MXI1: variants seen among roughly 807,000 people sequenced by gnomAD.
MXI1 encodes the protein MAX interactor 1, dimerization protein.
A neutral mutation model predicts 36.9 loss-of-function variants in MXI1; 18 were observed. That is an observed-to-expected ratio of 0.49 (90% CI 0.34 to 0.72). The LOEUF (loss-of-function observed/expected upper bound fraction) is 0.72, where lower values mean the gene tolerates loss of function less well. Ranked by LOEUF, MXI1 falls within the 30% of genes least tolerant of loss-of-function variation. The probability of loss-of-function intolerance (pLI) is 0.01; values close to 1 mark genes in which losing one functional copy is unlikely to be tolerated. For missense variants in MXI1, 304 were observed against 379.1 expected, an observed-to-expected ratio of 0.80 and a Z score of 1.64; for synonymous variants, 160 against 146.7, an observed-to-expected ratio of 1.09 and a Z score of -0.65.
intron 2 of MXI1, among the ~76,000 whole-genome samples, chr10:110,232,556 C>G (rs1022782173): frequency 5.3e-5 from 8 of 152,110 alleles, no homozygotes; most frequent in Non-Finnish European, 1.2e-4. Flanking sequence ...AATTCGTGTC[C>G]TATTCACTGG....
intron 2 of MXI1, among the ~76,000 whole-genome samples, chr10:110,232,986 T>G (rs1855329268): frequency 6.6e-6 from 1 of 152,158 alleles, no homozygotes; most frequent in Non-Finnish European, 1.5e-5. Flanking sequence ...GAAACAGAAG[T>G]CTTTCAGATA....
intron 3 of MXI1, among the ~76,000 whole-genome samples, chr10:110,269,467 TTTAA>T (rs1214285543): frequency 1.3e-5 from 2 of 152,356 alleles, no homozygotes; most frequent in East Asian, 1.9e-4. Flanking sequence ...AGATCACCAT[TTTAA>T]TTAGAGATCA....
rs1854404452 is a variant in MXI1, at chr10:110,208,014, T to C, written c.206T>C (p.Phe69Ser). ...ENSMEKHINT[F>S]LQNVQILLEA... Reference sequence around the variant, plus strand: ...TCGATGGAGAAGCACATCAACACTTTTCTGCAGAACGTGCAGATTCTGCTC... The same window carrying C: ...TCGATGGAGAAGCACATCAACACTTCTCTGCAGAACGTGCAGATTCTGCTC... Residue 69 changes from phenylalanine (F) to serine (S), a missense_variant, in exon 1 of 6, where the codon TTT (phenylalanine) becomes TCT (serine). Around this residue, in one of 2 missense-constraint regions of MXI1, gnomAD observed 179 missense variants for 184.8 expected, o/e 0.97. Transcript: ENST00000332674. The C allele has an allele frequency of 6.2e-7, 1 of 1,605,298 alleles. No individual in the cohort carries two copies.
intron 1 of MXI1, chr10:110,227,702 G>A (rs1855108481): frequency 3.5e-6 from 1 of 286,318 alleles, no homozygotes; most frequent in Non-Finnish European, 5.4e-6. Flanking sequence ...GCAGCCCAAG[G>A]GGCTGTAGAG....
intron 3 of MXI1, among the ~76,000 whole-genome samples, chr10:110,247,295 C>T (rs530319755): frequency 1.3e-4 from 20 of 152,164 alleles, no homozygotes; most frequent in Non-Finnish European, 2.6e-4. Context: ...AGCCGTTTGT[C>T]AGATGAGTAG....
chr10:110,276,520 C>A (rs1262631015), intron 3 of MXI1, among the ~76,000 whole-genome samples: 2 of 152,114 alleles, frequency 1.3e-5, no homozygotes, highest in African/African-American at 4.8e-5. Context: ...TTCTGTTGTC[C>A]TTGATATCTG....
At chr10:110,217,343 T>C (rs115103152) in intron 1 of MXI1, among the ~76,000 whole-genome samples, 1,854 of 152,346 alleles carry the variant, frequency 0.012, 42 homozygotes, top group African/African-American at 0.042. Flanking sequence ...TCTTTTTCTG[T>C]GTCTTTATTG....
intron 3 of MXI1, among the ~76,000 whole-genome samples, chr10:110,250,021 GC>G (rs914786642): frequency 1.3e-5 from 2 of 152,168 alleles, no homozygotes; most frequent in African/African-American, 4.8e-5. Flanking sequence ...TCCGAGGGAA[GC>G]CTAATGGTGG....
At chr10:110,284,085 G>A (rs890310981) in intron 5 of MXI1, among the ~76,000 whole-genome samples, 10 of 151,512 alleles carry the variant, frequency 6.6e-5, no homozygotes, top group Admixed American at 3.9e-4. Flanking sequence ...GAGCCACTGC[G>A]TCCAGCAACA....
At chr10:110,267,185 A>C (rs1270557539) in intron 3 of MXI1, among the ~76,000 whole-genome samples, 1 of 152,208 alleles carries the variant, frequency 6.6e-6, no homozygotes, top group African/African-American at 2.4e-5. Context: ...GGAATTCTCA[A>C]ATTAAAAAAG....
intron 2 of MXI1, among the ~76,000 whole-genome samples, chr10:110,240,365 T>C (rs952459687): frequency 1.3e-5 from 2 of 152,062 alleles, no homozygotes; most frequent in African/African-American, 4.8e-5. Context: ...ATTATAGTTA[T>C]TGTTGTGCAT....
At chr10:110,208,619 GTC>G (rs904349327) in intron 1 of MXI1, 2 of 152,114 alleles carry the variant, frequency 1.3e-5, no homozygotes, top group Admixed American at 6.6e-5. Flanking sequence ...GCTCGGCTCT[GTC>G]TCTCTCTCTC....
At chr10:110,215,285 C>T (rs979851158) in intron 1 of MXI1, among the ~76,000 whole-genome samples, 1 of 152,112 alleles carries the variant, frequency 6.6e-6, no homozygotes, top group Non-Finnish European at 1.5e-5. Context: ...TGTGATCTGC[C>T]CACCTTGACC....
In MXI1 at chr10:110,232,280, G is replaced by C. The variant is rs545991078; in HGVS notation, c.407+3959G>C. Among the ~76,000 whole-genome samples, 53 of 152,136 alleles carry C rather than the reference G, an allele frequency of 3.5e-4. 1 individual carries two copies. In the South Asian group the frequency reaches 0.011, roughly 32 times the overall value. On this transcript the variant is annotated intron_variant, in intron 2 of 5. Coordinates refer to ENST00000332674, the MANE Select transcript of MXI1 (RefSeq NM_130439.3). ...TGGCCAGTTCTTATGAATTACATTG[G>C]CCAGCCTTCTTTTGATTCCTTCAGT...
At chr10:110,227,657 C>T in intron 1 of MXI1, 1 of 647,172 alleles carries the variant, frequency 1.5e-6, no homozygotes, top group Non-Finnish European at 1.9e-6. Context: ...CTTTGAATAC[C>T]TGCGGGGTGA....
chr10:110,213,324 T>C (rs1202232945), intron 1 of MXI1, among the ~76,000 whole-genome samples: 1 of 152,236 alleles, frequency 6.6e-6, no homozygotes, highest in Non-Finnish European at 1.5e-5. Flanking sequence ...TATGAATTCA[T>C]ACATTCTTCA....
At chr10:110,224,767 C>T (rs893957434) in intron 1 of MXI1, among the ~76,000 whole-genome samples, 7 of 152,008 alleles carry the variant, frequency 4.6e-5, no homozygotes, top group African/African-American at 1.7e-4. Flanking sequence ...CGTGCCTCAG[C>T]CTCCCGAGTA....
At chr10:110,238,549 C>G (rs924326436) in intron 2 of MXI1, among the ~76,000 whole-genome samples, 1 of 152,208 alleles carries the variant, frequency 6.6e-6, no homozygotes, top group Middle Eastern at 3.4e-3. Flanking sequence ...GGTTTGGTAT[C>G]AGGCTAATAC....
intron 2 of MXI1, among the ~76,000 whole-genome samples, chr10:110,243,781 A>G (rs1714636073): frequency 6.6e-6 from 1 of 152,130 alleles, no homozygotes; most frequent in Admixed American, 6.6e-5. Context: ...TAACAATCAT[A>G]TGAGGCAAAT....
Sources: gnomAD v4.1 joint callset for allele counts (sites outside exome capture counted in the v4.1 genomes callset) on GRCh38, gnomAD v4.1.1 for gene constraint, gnomAD v4.1.1 regional missense constraint, MANE v1.5 for transcripts, NCBI Gene and HGNC (gene_info 2026-07-23, HGNC 2026-07-21) for gene names.